DRC11: variants seen among roughly 807,000 people sequenced by gnomAD.
DRC11 encodes the protein IQ and AAA domain-containing protein 1.
At chr2:236,335,714 C>T in the DRC11 span, among the ~76,000 whole-genome samples, 1 of 152,254 alleles carries the variant, frequency 6.6e-6, no homozygotes, top group East Asian at 1.9e-4. The surrounding 1 kb of genome is among the most constrained non-coding windows in gnomAD (Gnocchi z 5.6). Flanking sequence ...TAATAATACC[C>T]TACCTTATTC....
chr2:236,377,488 G>C, the DRC11 span, among the ~76,000 whole-genome samples: 1 of 152,042 alleles, frequency 6.6e-6, no homozygotes, highest in Non-Finnish European at 1.5e-5. The surrounding 1 kb of genome is among the most constrained non-coding windows in gnomAD (Gnocchi z 4.9). Flanking sequence ...CTTCATGATG[G>C]CACAAATATG....
chr2:236,384,503 G>C, the DRC11 span, among the ~76,000 whole-genome samples: 1 of 152,176 alleles, frequency 6.6e-6, no homozygotes, highest in African/African-American at 2.4e-5. Flanking sequence ...CCCACTTTTT[G>C]ATGGGGTCTT....
At chr2:236,408,212 T>C in the DRC11 span, 2 of 777,186 alleles carry the variant, frequency 2.6e-6, no homozygotes, top group Admixed American at 3.4e-5. The surrounding 1 kb of genome is among the most constrained non-coding windows in gnomAD (Gnocchi z 5.5). Flanking sequence ...CCCTGGCCGA[T>C]CTTAGAGATC....
the DRC11 span, among the ~76,000 whole-genome samples, chr2:236,337,968 T>TC: frequency 6.6e-6 from 1 of 152,206 alleles, no homozygotes; most frequent in East Asian, 1.9e-4. The surrounding 1 kb of genome is among the most constrained non-coding windows in gnomAD (Gnocchi z 4.9). Flanking sequence ...TCATAATCCT[T>TC]GTCCAGTTTC....
chr2:236,461,724 C>A, the DRC11 span, among the ~76,000 whole-genome samples: 2 of 152,162 alleles, frequency 1.3e-5, no homozygotes, highest in African/African-American at 2.4e-5. The surrounding 1 kb of genome is among the most constrained non-coding windows in gnomAD (Gnocchi z 4.0). Context: ...AATTCTTGTC[C>A]TTATATCACA....
At chr2:236,476,011 T>C in the DRC11 span, among the ~76,000 whole-genome samples, 1 of 152,210 alleles carries the variant, frequency 6.6e-6, no homozygotes, top group African/African-American at 2.4e-5. The surrounding 1 kb of genome is among the most constrained non-coding windows in gnomAD (Gnocchi z 4.7). Context: ...GTGTATGTAA[T>C]ACCTCCAGCT....
the DRC11 span, among the ~76,000 whole-genome samples, chr2:236,498,387 C>T: frequency 4.6e-5 from 7 of 151,718 alleles, no homozygotes; most frequent in Non-Finnish European, 1.0e-4. Context: ...ATCACTTGAA[C>T]CCGGGAGGTG....
At chr2:236,347,599 C>T in the DRC11 span, among the ~76,000 whole-genome samples, 2 of 150,230 alleles carry the variant, frequency 1.3e-5, no homozygotes, top group East Asian at 3.9e-4. Flanking sequence ...AGATTGGAGA[C>T]TATTATTCTA....
the DRC11 span, chr2:236,331,462 T>C: frequency 6.2e-7 from 1 of 1,613,926 alleles, no homozygotes; most frequent in Non-Finnish European, 8.5e-7. The surrounding 1 kb of genome is among the most constrained non-coding windows in gnomAD (Gnocchi z 4.8). Context: ...CCGGATTCTC[T>C]GATCTGTGAG....
the DRC11 span, among the ~76,000 whole-genome samples, chr2:236,373,641 C>T: frequency 2.6e-5 from 4 of 152,128 alleles, no homozygotes; most frequent in African/African-American, 7.2e-5. Flanking sequence ...TTTTCTTATT[C>T]TTTTTTTCTT....
At chr2:236,453,668 C>T in the DRC11 span, among the ~76,000 whole-genome samples, 3 of 151,634 alleles carry the variant, frequency 2.0e-5, no homozygotes, top group African/African-American at 7.3e-5. The surrounding 1 kb of genome is among the most constrained non-coding windows in gnomAD (Gnocchi z 4.9). Context: ...GAGATGGAGT[C>T]TCACTCTGTC....
the DRC11 span, chr2:236,408,821 T>C: frequency 3.0e-6 from 2 of 662,394 alleles, no homozygotes; most frequent in Admixed American, 2.1e-5. The surrounding 1 kb of genome is among the most constrained non-coding windows in gnomAD (Gnocchi z 5.5). Context: ...ACAATGCCCA[T>C]AGCCACCATG....
At chr2:236,357,737 A>G in the DRC11 span, among the ~76,000 whole-genome samples, 1,334 of 126,844 alleles carry the variant, frequency 0.011, 11 homozygotes, top group Non-Finnish European at 0.016. Flanking sequence ...AAATATACAT[A>G]TAATATGTAA....
At chr2:236,309,848 C>T in the DRC11 span, among the ~76,000 whole-genome samples, 8 of 152,156 alleles carry the variant, frequency 5.3e-5, no homozygotes, top group African/African-American at 9.7e-5. This position sits in a 1 kb window ranked among gnomAD's most constrained non-coding sequence, Gnocchi z 5.7. Flanking sequence ...TCCTGGAGGA[C>T]GGAGGGATGT....
At chr2:236,477,742 T>C in the DRC11 span, among the ~76,000 whole-genome samples, 34 of 152,314 alleles carry the variant, frequency 2.2e-4, no homozygotes, top group Non-Finnish European at 3.8e-4. Flanking sequence ...AGGTTTTCTG[T>C]TTCTTCATGG....
chr2:236,308,645 A>T, the DRC11 span, among the ~76,000 whole-genome samples: 17 of 152,312 alleles, frequency 1.1e-4, 1 homozygote, highest in South Asian at 3.5e-3. This position sits in a 1 kb window ranked among gnomAD's most constrained non-coding sequence, Gnocchi z 6.0. Flanking sequence ...TCCACTTAAC[A>T]TGGTATCCTC....
At chr2:236,332,162 C>T in the DRC11 span, 1 of 154,426 alleles carries the variant, frequency 6.5e-6, no homozygotes, top group East Asian at 1.9e-4. The surrounding 1 kb of genome is among the most constrained non-coding windows in gnomAD (Gnocchi z 5.1). Context: ...CTTATTCTTT[C>T]CCCCTCAGCA....
chr2:236,375,495 A>G, the DRC11 span, among the ~76,000 whole-genome samples: 4 of 152,234 alleles, frequency 2.6e-5, no homozygotes, highest in Non-Finnish European at 4.4e-5. The surrounding 1 kb of genome is among the most constrained non-coding windows in gnomAD (Gnocchi z 4.2). Context: ...ATTCTCCAGC[A>G]CTTGAAGAAG....
At chr2:236,479,429 T>C in the DRC11 span, among the ~76,000 whole-genome samples, 1 of 152,216 alleles carries the variant, frequency 6.6e-6, no homozygotes, top group Non-Finnish European at 1.5e-5. This position sits in a 1 kb window ranked among gnomAD's most constrained non-coding sequence, Gnocchi z 4.1. Context: ...TCTTATACTC[T>C]TCCTTTGTGT....
Sources: gnomAD v4.1 joint callset for allele counts (sites outside exome capture counted in the v4.1 genomes callset) on GRCh38, gnomAD v4.1.1 for gene constraint, Gnocchi (gnomAD v3.1) non-coding constraint, MANE v1.5 for transcripts, NCBI Gene and HGNC (gene_info 2026-07-23, HGNC 2026-07-21) for gene names.